Variants in KIAA1217 observed in about 807,000 individuals in gnomAD.
KIAA1217 encodes the protein sickle tail protein homolog.
KIAA1217 carries 88 observed loss-of-function variants against 163.9 expected under a neutral mutation model. The observed-to-expected ratio is 0.54, with a 90% confidence interval of 0.45 to 0.64. The LOEUF (loss-of-function observed/expected upper bound fraction) is 0.64, where lower values mean the gene tolerates loss of function less well. KIAA1217 is among the 30% of genes least tolerant of loss of function. KIAA1217 has a pLI of 0.00. For missense variants in KIAA1217, 2,372 were observed against 2,475.0 expected (o/e 0.96, Z 0.88); for synonymous variants, 903 against 923.1 (o/e 0.98, Z 0.39).
intron 5 of KIAA1217, among the ~76,000 whole-genome samples, chr10:24,453,434 G>C (rs1008703856): frequency 6.6e-6 from 1 of 152,168 alleles, no homozygotes; most frequent in Non-Finnish European, 1.5e-5. Flanking sequence ...CATGAGCCTG[G>C]ACTAAAAATA....
chr10:24,534,673 A>C (rs939591014), intron 16 of KIAA1217, among the ~76,000 whole-genome samples: 2 of 152,016 alleles, frequency 1.3e-5, no homozygotes, highest in East Asian at 3.9e-4. Flanking sequence ...TGAGGTCAGG[A>C]GTTCGAGACC....
chr10:23,779,505 G>A (rs1400926728), intron 1 of KIAA1217, among the ~76,000 whole-genome samples: 2 of 152,122 alleles, frequency 1.3e-5, no homozygotes, highest in Non-Finnish European at 2.9e-5. Flanking sequence ...TCAAGGCCAG[G>A]TGACTAATAG....
intron 5 of KIAA1217, among the ~76,000 whole-genome samples, chr10:24,453,731 A>G (rs2061559597): frequency 1.3e-5 from 2 of 152,222 alleles, no homozygotes; most frequent in Non-Finnish European, 2.9e-5. Flanking sequence ...TTAGGTGGCA[A>G]CTAGAAAAGC....
chr10:24,402,233 G>A (rs1467327448), intron 3 of KIAA1217, among the ~76,000 whole-genome samples: 1 of 152,220 alleles, frequency 6.6e-6, no homozygotes, highest in African/African-American at 2.4e-5. Context: ...GTGGTCAGGC[G>A]CAGTGACTCA....
intron 2 of KIAA1217, among the ~76,000 whole-genome samples, chr10:24,307,317 A>G (rs1439717784): frequency 6.6e-6 from 1 of 152,126 alleles, no homozygotes; most frequent in Non-Finnish European, 1.5e-5. Context: ...AGAAGGACTG[A>G]TAGTGGGTGT....
At chr10:24,465,034 C>G (rs566382858) in intron 5 of KIAA1217, among the ~76,000 whole-genome samples, 1 of 152,166 alleles carries the variant, frequency 6.6e-6, no homozygotes, top group African/African-American at 2.4e-5. Context: ...GGCATCGTGG[C>G]CTAATCAGAC....
At chr10:24,461,856 G>A (rs577305724) in intron 5 of KIAA1217, among the ~76,000 whole-genome samples, 4 of 152,274 alleles carry the variant, frequency 2.6e-5, no homozygotes, top group African/African-American at 9.6e-5. Context: ...AGAAAGAAGA[G>A]CATAGAGTGC....
At position 24,360,097 on chromosome 10, in the gene KIAA1217, A is replaced by T. The variant is rs116177526; in HGVS notation, c.355-20772A>T. Among the ~76,000 whole-genome samples, 1,076 of 120,760 alleles carry T rather than the reference A, an allele frequency of 8.9e-3. 15 individuals are homozygous for T. The highest frequency in any genetic ancestry group is 0.032 in the African/African-American group (997 of 31,162). The allele number at this position is 120,760 out of a possible 152,430, so 79.2% of individuals were successfully genotyped here. Reference sequence around the variant, plus strand: ...ACTCTTACTCTGTCGCCCAGGCCGGAGTACAGTGGCACAATCTGGGATCAC... The same window carrying T: ...ACTCTTACTCTGTCGCCCAGGCCGGTGTACAGTGGCACAATCTGGGATCAC... On this transcript the variant is annotated intron_variant, in intron 2 of 20. Coordinates refer to ENST00000376454, the MANE Select transcript of KIAA1217 (RefSeq NM_019590.5).
At chr10:24,114,145 T>A (rs984467228) in intron 2 of KIAA1217, among the ~76,000 whole-genome samples, 27 of 152,062 alleles carry the variant, frequency 1.8e-4, no homozygotes, top group Admixed American at 9.2e-4. Context: ...TCTGGAAGAC[T>A]GGGAGGCAGG....
rs74121636 is a variant in KIAA1217 at position 24,263,019 on chromosome 10, C to T, written c.354+43110C>T. ...AGGGATGGGGGCCAAAGTCCACTCA[C>T]GTATAAAAATATCCCTCAGAGGAAG... On this transcript the variant is annotated intron_variant, in intron 2 of 20. Coordinates refer to ENST00000376454, the MANE Select transcript of KIAA1217 (RefSeq NM_019590.5). Among the ~76,000 whole-genome samples, 688 of 151,962 alleles carry T rather than the reference C, an allele frequency of 4.5e-3. 5 individuals are homozygous for T. The highest frequency in any genetic ancestry group is 0.016 in the African/African-American group (649 of 41,436).
At chr10:23,852,641 C>G (rs1400345952) in intron 1 of KIAA1217, among the ~76,000 whole-genome samples, 1 of 152,166 alleles carries the variant, frequency 6.6e-6, no homozygotes, top group South Asian at 2.1e-4. Context: ...TTCTTCCTAC[C>G]CATGAGCATG....
intron 1 of KIAA1217, among the ~76,000 whole-genome samples, chr10:23,953,188 C>T (rs1446913526): frequency 2.0e-5 from 3 of 152,132 alleles, no homozygotes; most frequent in Non-Finnish European, 4.4e-5. Flanking sequence ...TTGGAGTCAG[C>T]CCAATGTTCT....
At chr10:23,885,494 GGA>G (rs1254647048) in intron 1 of KIAA1217, among the ~76,000 whole-genome samples, 1 of 151,914 alleles carries the variant, frequency 6.6e-6, no homozygotes, top group East Asian at 2.0e-4. Context: ...ACTTCGCCTG[GGA>G]GAGTCTTGGA....
intron 1 of KIAA1217, among the ~76,000 whole-genome samples, chr10:23,972,451 T>C (rs1377165643): frequency 6.6e-6 from 1 of 152,092 alleles, no homozygotes; most frequent in African/African-American, 2.4e-5. Context: ...TATGAGATCA[T>C]GTCCTTTCCA....
chr10:23,703,040 T>C (rs941574267), intron 1 of KIAA1217, among the ~76,000 whole-genome samples: 1 of 152,046 alleles, frequency 6.6e-6, no homozygotes, highest in Admixed American at 6.5e-5. Flanking sequence ...CTCGGGCTCC[T>C]TGATGCAAAG....
rs1835933679 is a variant in KIAA1217, at chr10:23,695,023, C to T, written c.-532C>T. The T allele has an allele frequency of 6.6e-6, 1 of 152,184 alleles. No individual in the cohort carries two copies. Among genetic ancestry groups the T allele is most frequent in the African/African-American group, 2.4e-5 (1 of 41,450 alleles). 9.4% of individuals were successfully genotyped at this position (152,184 alleles called of 1,614,324 possible). ...GCATCCCCGGGCTGCCAGAAGAGGCCACCACTCGGCTGGCAGCCGCGAGCG... is the reference window on the plus strand; with the variant it reads ...GCATCCCCGGGCTGCCAGAAGAGGCTACCACTCGGCTGGCAGCCGCGAGCG... On this transcript the variant is annotated 5_prime_UTR_variant, in exon 1 of 19. Coordinates refer to the KIAA1217 transcript ENST00000376462. This position sits in a 1 kb window ranked among gnomAD's most constrained non-coding sequence, Gnocchi z 4.9.
chr10:24,231,017 A>C (rs944474985), intron 2 of KIAA1217, among the ~76,000 whole-genome samples: 19 of 152,186 alleles, frequency 1.2e-4, no homozygotes, highest in African/African-American at 4.6e-4. Flanking sequence ...CTGAAATGCT[A>C]AGGAAAAGAA....
At chr10:24,260,242 G>T (rs2131693114) in intron 2 of KIAA1217, among the ~76,000 whole-genome samples, 1 of 152,202 alleles carries the variant, frequency 6.6e-6, no homozygotes, top group Non-Finnish European at 1.5e-5. Context: ...TGAGGAAGGG[G>T]ACCCGGGAAT....
intron 17 of KIAA1217, among the ~76,000 whole-genome samples, chr10:24,541,174 G>A (rs1194807809): frequency 4.0e-5 from 6 of 151,576 alleles, no homozygotes; most frequent in Non-Finnish European, 7.4e-5. Flanking sequence ...TCAGCCTCCC[G>A]AGTAGCTGGG....
Sources: allele counts gnomAD v4.1 joint callset (sites outside exome capture counted in the v4.1 genomes callset), GRCh38; gene constraint gnomAD v4.1.1; non-coding constraint Gnocchi (gnomAD v3.1); transcripts MANE v1.5; gene names NCBI Gene and HGNC (gene_info 2026-07-23, HGNC 2026-07-21).